Variants in ITPRID2 observed in about 807,000 individuals in gnomAD.
ITPRID2 encodes the protein protein ITPRID2.
ITPRID2 carries 60 observed loss-of-function variants against 124.3 expected under a neutral mutation model. The observed-to-expected ratio is 0.48, with a 90% CI of 0.39 to 0.60. The LOEUF is 0.60. Ranked by LOEUF, ITPRID2 falls within the 20% of genes least tolerant of loss-of-function variation. The pLI is 0.00. For missense variants in ITPRID2, 1,553 were observed against 1,512.2 expected (o/e 1.03, Z -0.45); for synonymous variants, 521 against 542.9 (o/e 0.96, Z 0.56).
rs754804783 is a variant in ITPRID2, at chr2:181,916,183, C to T, written c.2543C>T (p.Ser848Phe). The T allele has an allele frequency of 1.9e-6, 3 of 1,614,250 alleles. No individual in the cohort carries two copies. The Admixed American group carries it at 5.0e-5, about 27-fold the overall frequency. Residue 848 changes from serine (S) to phenylalanine (F), a missense_variant, in exon 11 of 18, where the codon TCC becomes TTC. Transcript: ENST00000431877. Reference sequence around the variant, plus strand: ...TCTCAGTCTACCTGTTCCCTTCATTCCATCCACTCTGAGTGGCAAGAAAGG... The same window carrying T: ...TCTCAGTCTACCTGTTCCCTTCATTTCATCCACTCTGAGTGGCAAGAAAGG... ...PMSQSTCSLHSIHSEWQERPL... is the reference protein window; with the variant it reads ...PMSQSTCSLHFIHSEWQERPL...
At chr2:181,895,962 G>T in intron 2 of ITPRID2, 68 bp from the exon 3 acceptor site, 1 of 1,313,412 alleles carries the variant, frequency 7.6e-7, no homozygotes, top group Non-Finnish European at 1.1e-6. Flanking sequence ...TTTAAGTAAG[G>T]CTGTGTAATG....
chr2:181,897,636 G>A (rs1047544840), intron 4 of ITPRID2, among the ~76,000 whole-genome samples: 2 of 150,998 alleles, frequency 1.3e-5, no homozygotes, highest in African/African-American at 4.9e-5. Flanking sequence ...CTATTTTATA[G>A]CTCATTGATC....
intron 6 of ITPRID2, 51 bp downstream of exon 6, chr2:181,899,163 A>C: frequency 7.9e-7 from 1 of 1,269,388 alleles, no homozygotes; most frequent in Non-Finnish European, 1.1e-6. Flanking sequence ...TAGATGACCT[A>C]CTCTTATCAT....
intron 6 of ITPRID2, among the ~76,000 whole-genome samples, chr2:181,899,741 G>A (rs1692509447): frequency 6.6e-6 from 1 of 152,158 alleles, no homozygotes; most frequent in Admixed American, 6.6e-5. Flanking sequence ...CCACTTGGAA[G>A]GCTGAAGTGG....
Position 181,928,171 on chromosome 2 carries a change from C to A in ITPRID2, c.3686C>A (p.Ser1229Tyr). 6.5e-7 allele frequency: 1 copy of A among 1,547,104 alleles called. No individual in the cohort carries two copies. Among genetic ancestry groups the A allele is most frequent in the South Asian group, 1.2e-5 (1 of 83,522 alleles). ...LQQVIREIKESIVGEIRREIV... is the reference protein window; with the variant it reads ...LQQVIREIKEYIVGEIRREIV... ...GTTTTTCCAATCTAGATTAAAGAGTCTATTGTTGGGGAAATCAGACGGGAA... is the reference window on the plus strand; with the variant it reads ...GTTTTTCCAATCTAGATTAAAGAGTATATTGTTGGGGAAATCAGACGGGAA... The change falls in exon 17 of 18, where the codon TCT becomes TAT. Residue 1229 changes from serine (S) to tyrosine (Y), a missense_variant. Physicochemically the swap from Ser to Tyr is moderately radical, Grantham distance 144. Coordinates refer to ENST00000431877, the MANE Select transcript of ITPRID2 (RefSeq NM_001130445.3).
intron 7 of ITPRID2, 59 bp from the exon 8 acceptor site, chr2:181,901,705 AAT>A (rs1448408530): frequency 8.8e-7 from 1 of 1,136,168 alleles, no homozygotes; most frequent in Non-Finnish European, 1.2e-6. Flanking sequence ...ATATGCATTT[AAT>A]ATATGTGTAT....
rs769730078 is a variant in ITPRID2, at chr2:181,922,427, T to C, written c.3675+15T>C. On this transcript the variant is annotated intron_variant, in intron 16 of 17. Coordinates refer to ENST00000431877, the MANE Select transcript of ITPRID2 (RefSeq NM_001130445.3). ...TCATACGGGAGGTGGGTAAAATCTGTGTTTCATTCATTTATTTGGAGGTAT... is the reference window on the plus strand; with the variant it reads ...TCATACGGGAGGTGGGTAAAATCTGCGTTTCATTCATTTATTTGGAGGTAT... 6.3e-7 allele frequency: 1 copy of C among 1,579,648 alleles called. No homozygotes were observed. Among genetic ancestry groups the C allele is most frequent in the Non-Finnish European group, 8.6e-7 (1 of 1,162,078 alleles).
chr2:181,918,542 G>A, intron 11 of ITPRID2, 56 bp from the exon 12 acceptor site: 1 of 1,605,074 alleles, frequency 6.2e-7, no homozygotes, highest in Non-Finnish European at 8.5e-7. Context: ...CCCCTTAAGT[G>A]ATTTGGAAGT....
At chr2:181,894,902 C>A (rs1692062588) in intron 2 of ITPRID2, among the ~76,000 whole-genome samples, 1 of 151,970 alleles carries the variant, frequency 6.6e-6, no homozygotes, top group African/African-American at 2.4e-5. Context: ...CATCTGTGGA[C>A]AGAGTAATAC....
rs74479474 is a variant in ITPRID2 at position 181,909,984 on chromosome 2, G to A, written c.1486+13G>A. The A allele has an allele frequency of 6.3e-7, 1 of 1,590,966 alleles. No homozygotes were observed. The highest frequency in any genetic ancestry group is 1.1e-5 in the South Asian group (1 of 90,354). ...AAGTCGAAAAGAGGTAAGTGGACCA[G>A]TATCCACTAGTTCTGAGCACATTAT... On this transcript the variant is annotated intron_variant, in intron 9 of 17. Transcript: ENST00000431877.
rs1250582717 is a variant in ITPRID2, at chr2:181,919,289, C to T, written c.2994-7C>T. 1 of 1,613,798 alleles carries T rather than the reference C, an allele frequency of 6.2e-7. No individual in the cohort carries two copies. The stretch of plus-strand genomic sequence containing the variant: ...TTCCAATTTTGTGCCCTTCACCATA[C>T]CAATAGGTTTGAAGTTGATCAGCTC... On this transcript the variant is annotated splice_polypyrimidine_tract_variant and splice_region_variant and intron_variant, in intron 13 of 17. Coordinates refer to ENST00000431877, the MANE Select transcript of ITPRID2 (RefSeq NM_001130445.3). This position sits in a 1 kb window ranked among gnomAD's most constrained non-coding sequence, Gnocchi z 4.2.
At chr2:181,908,015 C>T (rs1433449264) in intron 8 of ITPRID2, among the ~76,000 whole-genome samples, 2 of 152,240 alleles carry the variant, frequency 1.3e-5, no homozygotes, top group African/African-American at 2.4e-5. Context: ...TTATTAAAGT[C>T]ATGTTATTTT....
At position 181,896,043 on chromosome 2, in the gene ITPRID2, G is replaced by A. The variant is rs1460728929; in HGVS notation, c.271G>A (p.Ala91Thr). The A allele has an allele frequency of 3.1e-6, 5 of 1,612,840 alleles. No homozygotes were observed. The South Asian group carries it at 3.3e-5, about 11-fold the overall frequency. ...WLKDCRTPLG[A>T]SLDEQSSSTL... ...ATATGGTTTCAGTACACCTTTGGGA[G>A]CCTCACTGGATGAACAAAGCAGTAG... The change falls in exon 3 of 18, where the codon GCC becomes ACC. Residue 91 changes from alanine (A) to threonine (T), a missense_variant. Transcript: ENST00000431877. This position sits in a 1 kb window ranked among gnomAD's most constrained non-coding sequence, Gnocchi z 4.3.
chr2:181,911,395 A>G (rs1056161020), intron 9 of ITPRID2, among the ~76,000 whole-genome samples: 2 of 152,218 alleles, frequency 1.3e-5, no homozygotes, highest in African/African-American at 4.8e-5. Flanking sequence ...ACTGAAGCCC[A>G]GAGAGGTTTA....
chr2:181,915,535 A>G lies in ITPRID2; in HGVS notation c.1895A>G (p.Glu632Gly). 6.2e-7 allele frequency: 1 copy of G among 1,614,240 alleles called. No individual in the cohort carries two copies. Among genetic ancestry groups the G allele is most frequent in the Non-Finnish European group, 8.5e-7 (1 of 1,180,042 alleles). The change falls in exon 11 of 18, where the codon GAG becomes GGG. Residue 632 changes from glutamate to glycine, a missense_variant. By Grantham distance (98) the Glu-to-Gly change is moderately conservative. Transcript: ENST00000431877. ...TEVEEDLFPAETVELLREASA... is the reference protein window; with the variant it reads ...TEVEEDLFPAGTVELLREASA... ...GTGGAAGAGGATTTGTTTCCAGCAG[A>G]GACAGTAGAGCTACTGAGGGAAGCA...
chr2:181,914,425 A>G (rs1693866345), intron 10 of ITPRID2, among the ~76,000 whole-genome samples: 2 of 152,198 alleles, frequency 1.3e-5, no homozygotes. Context: ...ATGCACAGAA[A>G]AAGCATTTGA....
chr2:181,899,536 CT>C (rs1454699881), intron 6 of ITPRID2, among the ~76,000 whole-genome samples: 10 of 152,104 alleles, frequency 6.6e-5, no homozygotes, highest in African/African-American at 2.4e-4. Flanking sequence ...AACCAAAGAT[CT>C]TTCAAATATA....
chr2:181,919,186 A>G lies in ITPRID2; in HGVS notation c.2994-110A>G. 7.8e-7 allele frequency: 1 copy of G among 1,274,950 alleles called. No homozygotes were observed. The highest frequency in any genetic ancestry group is 2.3e-5 in the East Asian group (1 of 42,874). 79.0% of individuals were successfully genotyped at this position (1,274,950 alleles called of 1,614,324 possible). On this transcript the variant is annotated intron_variant, in intron 13 of 17. Transcript: ENST00000431877. The surrounding 1 kb of genome is among the most constrained non-coding windows in gnomAD (Gnocchi z 4.2). ...AGTTGATATTGTACTAATTTCTAGA[A>G]CCTGAGATTTCCATGCCTTCTGTTA...
chr2:181,922,015 G>T lies in ITPRID2; in HGVS notation c.3278G>T (p.Gly1093Val). ...SELGLGLGEMGFEIPPGESSE... is the reference protein window; with the variant it reads ...SELGLGLGEMVFEIPPGESSE... ...TTGGGCCTGGGACTTGGAGAAATGG[G>T]ATTTGAAATTCCTCCTGGAGAAAGC... The change falls in exon 16 of 18, where the codon GGA becomes GTA. Residue 1093 changes from glycine (G) to valine (V), a missense_variant. Physicochemically the swap from Gly to Val is moderately radical, Grantham distance 109. Transcript: ENST00000431877. 6.2e-7 allele frequency: 1 copy of T among 1,614,184 alleles called. No homozygotes were observed. The highest frequency in any genetic ancestry group is 1.1e-5 in the South Asian group (1 of 91,082).
Sources: gnomAD v4.1 joint callset for allele counts (sites outside exome capture counted in the v4.1 genomes callset) on GRCh38, gnomAD v4.1.1 for gene constraint, Gnocchi (gnomAD v3.1) non-coding constraint, MANE v1.5 for transcripts, NCBI Gene and HGNC (gene_info 2026-07-23, HGNC 2026-07-21) for gene names.